GBE1: variants seen among roughly 807,000 people sequenced by gnomAD.
The protein encoded by GBE1 is 1,4-alpha-glucan-branching enzyme.
In GBE1, 70 loss-of-function variants were observed where a neutral mutation model predicts 88.8. The observed-to-expected ratio is 0.79, with a 90% CI of 0.65 to 0.96. The LOEUF (loss-of-function observed/expected upper bound fraction) is 0.96. GBE1 is among the 40% of genes least tolerant of loss of function. GBE1 has a pLI of 0.00. For missense variants in GBE1, 872 were observed against 871.0 expected (o/e 1.00, Z -0.01); for synonymous variants, 284 against 300.1 (o/e 0.95, Z 0.56).
chr3:81,641,844 T>G (rs1432901453), intron 7 of GBE1, among the ~76,000 whole-genome samples: 1 of 151,326 alleles, frequency 6.6e-6, no homozygotes, highest in Admixed American at 6.6e-5. Context: ...ATATTTATGT[T>G]TATGTATGAT....
chr3:81,511,701 T>C (rs1211126108), intron 14 of GBE1, among the ~76,000 whole-genome samples: 1 of 151,990 alleles, frequency 6.6e-6, no homozygotes, highest in Non-Finnish European at 1.5e-5. Flanking sequence ...CTGACAAGGC[T>C]GCAGAGAAAA....
chr3:81,638,567 G>A (rs919052559), intron 7 of GBE1, among the ~76,000 whole-genome samples: 11 of 152,188 alleles, frequency 7.2e-5, no homozygotes, highest in African/African-American at 2.6e-4. Context: ...TGAAACTTAT[G>A]GGTGACACAC....
intron 2 of GBE1, among the ~76,000 whole-genome samples, chr3:81,685,476 G>A (rs1425403875): frequency 6.6e-6 from 1 of 151,924 alleles, no homozygotes; most frequent in African/African-American, 2.4e-5. Context: ...CCACCTCCCA[G>A]GTTCAAGCAG....
At chr3:81,533,799 A>C (rs1334202599) in intron 14 of GBE1, among the ~76,000 whole-genome samples, 1 of 152,066 alleles carries the variant, frequency 6.6e-6, no homozygotes, top group Non-Finnish European at 1.5e-5. Context: ...GAGATGCACA[A>C]AAAAATCTGT....
chr3:81,596,321 T>C (rs933009716), intron 7 of GBE1, among the ~76,000 whole-genome samples: 2 of 151,934 alleles, frequency 1.3e-5, no homozygotes, highest in Non-Finnish European at 2.9e-5. Context: ...AGTTTTAGGG[T>C]ACATGTGCAC....
At chr3:81,631,367 T>C (rs545631929) in intron 7 of GBE1, among the ~76,000 whole-genome samples, 1 of 151,006 alleles carries the variant, frequency 6.6e-6, no homozygotes, top group East Asian at 2.0e-4. Flanking sequence ...GTAGTCCACA[T>C]AAAATCTACA....
chr3:81,593,687 C>G (rs1446932098), intron 8 of GBE1, among the ~76,000 whole-genome samples: 3 of 152,016 alleles, frequency 2.0e-5, no homozygotes, highest in Non-Finnish European at 4.4e-5. Context: ...AAATTTTAAG[C>G]TACACACGAA....
intron 1 of GBE1, among the ~76,000 whole-genome samples, chr3:81,719,525 T>C (rs1705991224): frequency 6.6e-6 from 1 of 152,192 alleles, no homozygotes; most frequent in Admixed American, 6.5e-5. Context: ...TCTTATTTTA[T>C]TTTATACAGT....
At chr3:81,545,319 C>T (rs1392243898) in intron 12 of GBE1, among the ~76,000 whole-genome samples, 1 of 152,148 alleles carries the variant, frequency 6.6e-6, no homozygotes, top group African/African-American at 2.4e-5. Flanking sequence ...GTTTCTCTGT[C>T]ATTCTCCACA....
intron 3 of GBE1, among the ~76,000 whole-genome samples, chr3:81,666,257 T>C (rs932089804): frequency 6.6e-6 from 1 of 152,162 alleles, no homozygotes; most frequent in African/African-American, 2.4e-5. Context: ...TGAGCAAGAA[T>C]ACCCATAAAA....
At chr3:81,642,616 T>C (rs937296503) in intron 7 of GBE1, 165 bp downstream of exon 7, 1 of 558,920 alleles carries the variant, frequency 1.8e-6, no homozygotes, top group African/African-American at 1.9e-5. Flanking sequence ...CACAAATACA[T>C]GTGCTATACA....
intron 9 of GBE1, among the ~76,000 whole-genome samples, chr3:81,590,295 T>G (rs143784628): frequency 0.019 from 2,892 of 152,182 alleles, 39 homozygotes; most frequent in Non-Finnish European, 0.03. Context: ...AGTCTTACTA[T>G]TTTTATATCT....
chr3:81,561,900 G>T (rs746383183), intron 12 of GBE1, among the ~76,000 whole-genome samples: 5 of 152,064 alleles, frequency 3.3e-5, no homozygotes, highest in Non-Finnish European at 7.4e-5. Context: ...GCATGGAGGT[G>T]AAACGGATAC....
intron 7 of GBE1, among the ~76,000 whole-genome samples, chr3:81,623,303 T>C (rs1704358574): frequency 6.6e-6 from 1 of 152,230 alleles, no homozygotes; most frequent in Non-Finnish European, 1.5e-5. Flanking sequence ...TCCTCACTGT[T>C]TGCTTATTCT....
rs1037616265 is a variant in GBE1, at chr3:81,580,467, C to A, written c.1446+698G>T. On this transcript the variant is annotated intron_variant, in intron 11 of 15. Transcript: ENST00000429644. ...AGTAGGAACTTCCCAGATGCAGATG[C>A]GTGGGGAAAAGCACAAGATTGGAAA... Among the ~76,000 whole-genome samples, 5 of 152,030 alleles carry A rather than the reference C, an allele frequency of 3.3e-5. No individual in the cohort carries two copies. In the East Asian group the frequency reaches 9.7e-4, roughly 29 times the overall value.
intron 5 of GBE1, among the ~76,000 whole-genome samples, chr3:81,647,628 C>A (rs1346525319): frequency 6.6e-6 from 1 of 152,090 alleles, no homozygotes; most frequent in Non-Finnish European, 1.5e-5. Flanking sequence ...CTGTAACATA[C>A]ATAGTAAATA....
chr3:81,676,765 G>A (rs182291631), intron 2 of GBE1, among the ~76,000 whole-genome samples: 2 of 152,026 alleles, frequency 1.3e-5, no homozygotes, highest in Admixed American at 6.6e-5. Flanking sequence ...ATTTTAATAG[G>A]TATTTTATTA....
intron 3 of GBE1, among the ~76,000 whole-genome samples, chr3:81,665,506 A>C (rs1705102309): frequency 6.6e-6 from 1 of 150,896 alleles, no homozygotes; most frequent in Non-Finnish European, 1.5e-5. Flanking sequence ...ACTGCACTCC[A>C]GCCTGGGGGA....
intron 2 of GBE1, among the ~76,000 whole-genome samples, chr3:81,684,814 T>G (rs941464644): frequency 1.3e-5 from 2 of 152,194 alleles, no homozygotes; most frequent in African/African-American, 4.8e-5. Flanking sequence ...ATTAGGCATG[T>G]CAATATAGCA....
Sources: gnomAD v4.1 joint callset for allele counts (sites outside exome capture counted in the v4.1 genomes callset) on GRCh38, gnomAD v4.1.1 for gene constraint, MANE v1.5 for transcripts, NCBI Gene and HGNC (gene_info 2026-07-23, HGNC 2026-07-21) for gene names.